P2RY8: variants seen among roughly 807,000 people sequenced by gnomAD.
P2RY8 encodes the protein P2Y receptor family member 8, also known as S-geranylgeranyl-glutathione receptor P2RY8.
A neutral mutation model predicts 10.0 loss-of-function variants in P2RY8; 6 were observed. That is an observed-to-expected ratio of 0.60 (90% CI 0.33 to 1.19). The LOEUF is 1.19. Ranked by LOEUF, P2RY8 falls within the 50% of genes most tolerant of loss-of-function variation. The probability of loss-of-function intolerance (pLI) is 0.04; values close to 1 mark genes in which losing one functional copy is unlikely to be tolerated. For missense variants in P2RY8, 456 were observed against 542.0 expected (o/e 0.84, Z 1.58); for synonymous variants, 276 against 252.5 (o/e 1.09, Z -0.88).
chrX:1,480,072 A>G (rs1364182351), intron 1 of P2RY8, among the ~76,000 whole-genome samples: 3 of 152,192 alleles, frequency 2.0e-5, no homozygotes, highest in African/African-American at 7.2e-5. Context: ...AAGAAATTAT[A>G]TTGATTCTCT....
rs1283337029 is a variant in P2RY8 at position 1,513,204 on chromosome X, C to CT, written c.-25+23716dup. ...TCCCTGCAAAGGATATGAACTCATC[C>CT]TTTTTTATGACTGCATAGTATTCCA... On this transcript the variant is annotated intron_variant, in intron 1 of 1. Coordinates refer to ENST00000381297, the MANE Select transcript of P2RY8 (RefSeq NM_178129.5). Among the ~76,000 whole-genome samples the CT allele has an allele frequency of 3.1e-4, 46 of 150,468 alleles. 1 individual carries two copies. In the Middle Eastern group the frequency reaches 0.014, roughly 46 times the overall value.
chrX:1,533,026 C>A (rs1173229135), intron 1 of P2RY8, among the ~76,000 whole-genome samples: 150 of 87,962 alleles, frequency 1.7e-3, no homozygotes, highest in African/African-American at 5.0e-3. Context: ...AAAAAAAAAA[C>A]GAAAGAAAGA....
rs139929529 is a variant in P2RY8 at position 1,507,440 on chromosome X, C to T, written c.-25+29481G>A. ...AGTTGTCCCGGGAGACACGCCAGGA[C>T]CCCACCCAAGCCTTCCTAGCTGAAA... On this transcript the variant is annotated intron_variant, in intron 1 of 1. Transcript: ENST00000381297. Among the ~76,000 whole-genome samples, 107 of 152,264 alleles carry T rather than the reference C, an allele frequency of 7.0e-4. 2 individuals are homozygous for T. The East Asian group carries it at 0.017, about 25-fold the overall frequency.
chrX:1,470,686 T>C (rs1438417998), intron 1 of P2RY8, among the ~76,000 whole-genome samples: 1 of 152,144 alleles, frequency 6.6e-6, no homozygotes, highest in Non-Finnish European at 1.5e-5. Context: ...GTCTAGCTTC[T>C]GTCACTGAGC....
rs575783572 is a variant in P2RY8, at chrX:1,519,611, A to G, written c.-25+17310T>C. On this transcript the variant is annotated intron_variant, in intron 1 of 1. Transcript: ENST00000381297. ...CTAATATTGTCTCTAATCCCCAATT[A>G]TCTTCTTGGCTCCCAATCACCTCCC... Among the ~76,000 whole-genome samples, 36 of 151,706 alleles carry G rather than the reference A, an allele frequency of 2.4e-4. No individual in the cohort carries two copies. In the South Asian group the frequency reaches 6.2e-3, roughly 26 times the overall value.
rs200838620 is a variant in P2RY8, at chrX:1,523,675, T to TTTA, written c.-25+13243_-25+13245dup. On this transcript the variant is annotated intron_variant, in intron 1 of 1. Coordinates refer to ENST00000381297, the MANE Select transcript of P2RY8 (RefSeq NM_178129.5). ...ACTGCGTTGTATTGAAGATGGTAAA[T>TTTA]TTATTATTATTATTATTTATTTCTT... is the stretch of plus-strand genomic sequence containing the variant. 3.2e-4 allele frequency among the ~76,000 whole-genome samples: 49 copies of TTTA among 152,010 alleles called. 1 individual carries two copies. The East Asian group carries it at 7.1e-3, about 22-fold the overall frequency.
chrX:1,504,449 T>G (rs2092211535), intron 1 of P2RY8, among the ~76,000 whole-genome samples: 1 of 152,236 alleles, frequency 6.6e-6, no homozygotes, highest in Non-Finnish European at 1.5e-5. Context: ...GTCCACCTCA[T>G]GACAGCAAAA....
chrX:1,467,881 G>A (rs1329216503), intron 1 of P2RY8, among the ~76,000 whole-genome samples: 12 of 151,860 alleles, frequency 7.9e-5, no homozygotes, highest in African/African-American at 2.7e-4. Flanking sequence ...GTTTTGCTAT[G>A]TTTCCCAGGC....
intron 1 of P2RY8, among the ~76,000 whole-genome samples, chrX:1,509,346 TC>T (rs2092272458): frequency 6.8e-6 from 1 of 146,710 alleles, no homozygotes; most frequent in Non-Finnish European, 1.5e-5. Flanking sequence ...CTATCCATCA[TC>T]CATCCATCCA....
At chrX:1,483,328 G>A (rs1377905160) in intron 1 of P2RY8, among the ~76,000 whole-genome samples, 35 of 150,562 alleles carry the variant, frequency 2.3e-4, no homozygotes, top group African/African-American at 3.4e-4. Flanking sequence ...GATCCAAAGC[G>A]GGGTTTCCTT....
chrX:1,466,201 C>G lies in P2RY8; in HGVS notation c.358G>C (p.Glu120Gln), dbSNP rs1166526396. The change falls in exon 2 of 2, where the codon GAG (glutamate) becomes CAG (glutamine). Residue 120 changes from glutamate to glutamine, a missense_variant. Transcript: ENST00000381297. ...SILTMTCISV[E>Q]RFLGVLYPLS... ...GGGTACAGGACCCCCAGGAAGCGCT[C>G]CACGCTGATACAGGTCATGGTGAGG... 6 of 1,613,026 alleles carry G rather than the reference C, an allele frequency of 3.7e-6. No individual in the cohort carries two copies. The highest frequency in any genetic ancestry group is 5.1e-6 in the Non-Finnish European group (6 of 1,179,572).
At chrX:1,531,475 C>T (rs2092475128) in intron 1 of P2RY8, among the ~76,000 whole-genome samples, 1 of 152,168 alleles carries the variant, frequency 6.6e-6, no homozygotes, top group African/African-American at 2.4e-5. Flanking sequence ...CTGTGCCCAG[C>T]CCGAGGGGTT....
At chrX:1,534,132 AT>A (rs1425734056) in intron 1 of P2RY8, among the ~76,000 whole-genome samples, 3 of 130,096 alleles carry the variant, frequency 2.3e-5, no homozygotes, top group Admixed American at 8.4e-5. Flanking sequence ...TTATATATTT[AT>A]ATATATTTAC....
At chrX:1,532,011 A>C (rs2092479046) in intron 1 of P2RY8, among the ~76,000 whole-genome samples, 1 of 152,114 alleles carries the variant, frequency 6.6e-6, no homozygotes. Flanking sequence ...GAGTCCTTAA[A>C]GAGCTAAATG....
chrX:1,523,582 C>T (rs1178070301), intron 1 of P2RY8, among the ~76,000 whole-genome samples: 10 of 152,172 alleles, frequency 6.6e-5, no homozygotes, highest in African/African-American at 1.9e-4. Context: ...TCCTTCTGAG[C>T]GTCATAAAAA....
chrX:1,531,944 G>C (rs1327166979), intron 1 of P2RY8, among the ~76,000 whole-genome samples: 1 of 152,108 alleles, frequency 6.6e-6, no homozygotes, highest in Non-Finnish European at 1.5e-5. Context: ...CAGGGAACAC[G>C]TCTGCACTGC....
rs1435612366 is a variant in P2RY8 at position 1,499,995 on chromosome X, A to C, written c.-24-33413T>G. Among the ~76,000 whole-genome samples, 7 of 110,902 alleles carry C rather than the reference A, an allele frequency of 6.3e-5. 1 individual carries two copies. The highest frequency in any genetic ancestry group is 4.3e-3 in the Middle Eastern group (1 of 232). 72.8% of individuals were successfully genotyped at this position (110,902 alleles called of 152,430 possible). ...TGCCTCAGCCTCCCGAGTAGCTGGG[A>C]CTACAGGCGTGTACCACCATGCCCA... On this transcript the variant is annotated intron_variant, in intron 1 of 1. Coordinates refer to ENST00000381297, the MANE Select transcript of P2RY8 (RefSeq NM_178129.5).
intron 1 of P2RY8, 21 bp from the exon 2 acceptor site, chrX:1,466,603 G>T (rs1390729392): frequency 7.6e-6 from 12 of 1,570,082 alleles, no homozygotes; most frequent in Non-Finnish European, 1.0e-5. Flanking sequence ...AGGAGGGAAG[G>T]GTGTACGGGT....
intron 1 of P2RY8, among the ~76,000 whole-genome samples, chrX:1,479,960 T>C (rs1444906546): frequency 1.3e-5 from 2 of 152,210 alleles, no homozygotes; most frequent in Non-Finnish European, 2.9e-5. Flanking sequence ...TGAGTGAGCC[T>C]ATATCTCTTA....
Sources: gnomAD v4.1 joint callset for allele counts (sites outside exome capture counted in the v4.1 genomes callset) on GRCh38, gnomAD v4.1.1 for gene constraint, MANE v1.5 for transcripts, NCBI Gene and HGNC (gene_info 2026-07-23, HGNC 2026-07-21) for gene names.